The following ATRNL1 variants were observed in gnomAD, a reference collection of about 807,000 sequenced individuals.
ATRNL1 encodes the protein attractin like 1.
A neutral mutation model predicts 182.7 loss-of-function variants in ATRNL1; 95 were observed. That is an observed-to-expected ratio of 0.52 (90% CI 0.44 to 0.62). The LOEUF is 0.62. ATRNL1 is among the 20% of genes least tolerant of loss of function. ATRNL1 has a pLI of 0.00. For missense variants in ATRNL1, 1,471 were observed against 1,679.5 expected (o/e 0.88, Z 2.17); for synonymous variants, 576 against 568.3 (o/e 1.01, Z -0.19).
chr10:115,817,747 A>G (rs1950195998), intron 27 of ATRNL1, among the ~76,000 whole-genome samples: 1 of 149,296 alleles, frequency 6.7e-6, no homozygotes, highest in Non-Finnish European at 1.5e-5. Context: ...TGCCTATGCT[A>G]ACTGGCCCAT....
intron 5 of ATRNL1, among the ~76,000 whole-genome samples, chr10:115,156,282 A>T (rs1427323955): frequency 3.9e-5 from 6 of 152,250 alleles, no homozygotes; most frequent in African/African-American, 1.4e-4. Flanking sequence ...GAAAGAGGCA[A>T]CTTAAGAATG....
chr10:115,864,839 A>C (rs1049540972), intron 28 of ATRNL1, among the ~76,000 whole-genome samples: 1 of 152,048 alleles, frequency 6.6e-6, no homozygotes, highest in Non-Finnish European at 1.5e-5. Flanking sequence ...AAAATTAGCC[A>C]GGCGTGGTGG....
intron 18 of ATRNL1, among the ~76,000 whole-genome samples, chr10:115,316,267 G>A (rs1854296503): frequency 6.6e-6 from 1 of 152,142 alleles, no homozygotes; most frequent in African/African-American, 2.4e-5. Context: ...CTTCATCCAT[G>A]TCCCTGCAAA....
At chr10:115,907,266 A>G (rs1317364563) in intron 28 of ATRNL1, among the ~76,000 whole-genome samples, 1 of 152,248 alleles carries the variant, frequency 6.6e-6, no homozygotes, top group Non-Finnish European at 1.5e-5. Flanking sequence ...TAGCAAGCTG[A>G]TGAGATTGGT....
At chr10:115,495,532 A>G (rs11599485) in intron 24 of ATRNL1, among the ~76,000 whole-genome samples, 99,861 of 151,946 alleles carry the variant, frequency 0.66, 33,669 homozygotes, top group Non-Finnish European at 0.73. Context: ...TGTTCTCATT[A>G]ATTTCAAAGA....
intron 15 of ATRNL1, among the ~76,000 whole-genome samples, chr10:115,290,725 G>A (rs541391065): frequency 6.6e-6 from 1 of 152,202 alleles, no homozygotes; most frequent in African/African-American, 2.4e-5. Flanking sequence ...CTCTCCTGCA[G>A]AGAGAGAGGG....
chr10:115,255,007 G>A (rs1554906398), intron 10 of ATRNL1, among the ~76,000 whole-genome samples: 1 of 152,048 alleles, frequency 6.6e-6, no homozygotes, highest in Non-Finnish European at 1.5e-5. Flanking sequence ...CTCTGTTTTG[G>A]TACCAGTACC....
At chr10:115,669,083 C>T (rs1555040612) in intron 26 of ATRNL1, among the ~76,000 whole-genome samples, 1 of 151,928 alleles carries the variant, frequency 6.6e-6, no homozygotes, top group East Asian at 1.9e-4. Context: ...TATCTGACAC[C>T]ACATTGTTTT....
At chr10:115,624,049 C>G (rs1857938696) in intron 26 of ATRNL1, among the ~76,000 whole-genome samples, 1 of 150,146 alleles carries the variant, frequency 6.7e-6, no homozygotes, top group Non-Finnish European at 1.5e-5. Context: ...GTTTCTATAC[C>G]CACATAGTCA....
chr10:115,220,042 G>A (rs967690391), intron 9 of ATRNL1, among the ~76,000 whole-genome samples: 33 of 152,302 alleles, frequency 2.2e-4, no homozygotes, highest in Admixed American at 3.3e-4. Flanking sequence ...GCTTACCAAG[G>A]TGACTTATTA....
chr10:115,414,527 A>T (rs1316404200), intron 20 of ATRNL1, among the ~76,000 whole-genome samples: 1 of 151,872 alleles, frequency 6.6e-6, no homozygotes, highest in Non-Finnish European at 1.5e-5. Flanking sequence ...TATTAAAATA[A>T]TTAATTAAAT....
At chr10:115,438,930 A>G (rs1554965200) in intron 21 of ATRNL1, among the ~76,000 whole-genome samples, 1 of 151,944 alleles carries the variant, frequency 6.6e-6, no homozygotes, top group Non-Finnish European at 1.5e-5. Flanking sequence ...AAATCTGCGT[A>G]TATCTTTTTA....
intron 25 of ATRNL1, among the ~76,000 whole-genome samples, chr10:115,540,265 A>G (rs1016411478): frequency 5.3e-5 from 8 of 152,038 alleles, no homozygotes; most frequent in Admixed American, 4.6e-4. Context: ...CATAGATAGA[A>G]CTCTGCTTTG....
intron 26 of ATRNL1, among the ~76,000 whole-genome samples, chr10:115,588,778 A>G (rs1232664622): frequency 1.3e-5 from 2 of 152,170 alleles, no homozygotes; most frequent in Non-Finnish European, 2.9e-5. Flanking sequence ...TCCAAGAGGG[A>G]TTGATCAATG....
chr10:115,662,366 C>G (rs1368453288), intron 26 of ATRNL1, among the ~76,000 whole-genome samples: 3 of 152,094 alleles, frequency 2.0e-5, no homozygotes, highest in Admixed American at 1.3e-4. Context: ...GTTGGTGGGA[C>G]TGTAAACTAG....
At chr10:115,418,484 G>T (rs1366093224) in intron 20 of ATRNL1, among the ~76,000 whole-genome samples, 1 of 152,074 alleles carries the variant, frequency 6.6e-6, no homozygotes, top group Non-Finnish European at 1.5e-5. Context: ...ACACATTTGT[G>T]TTATTAGAAT....
At chr10:115,142,019 G>C (rs1592158138) in intron 5 of ATRNL1, among the ~76,000 whole-genome samples, 2 of 152,014 alleles carry the variant, frequency 1.3e-5, no homozygotes, top group Middle Eastern at 6.8e-3. Context: ...GACTGCTCTA[G>C]GTCCTTGGGA....
chr10:115,727,270 A>G lies in ATRNL1; in HGVS notation c.3818A>G (p.Gln1273Arg), dbSNP rs1555060466. ...CAGCAACTGCTTCGAGAACGACAGC[A>G]GATGGCCAGCCGTCCCTTTGCTTCT... ...RREQLLRERQ[Q>R]MASRPFASVD... The change falls in exon 27 of 29, where the codon CAG becomes CGG. Residue 1273 changes from glutamine (Q) to arginine (R), a missense_variant. Around this residue, in one of 3 missense-constraint regions of ATRNL1, gnomAD observed 437 missense variants for 506.0 expected, o/e 0.86. Transcript: ENST00000355044. The G allele has an allele frequency of 2.5e-6, 4 of 1,614,130 alleles. No individual in the cohort carries two copies. The highest frequency in any genetic ancestry group is 8.5e-7 in the Non-Finnish European group (1 of 1,179,960).
At chr10:115,184,936 AAGGTTT>A (rs1554888509) in intron 8 of ATRNL1, among the ~76,000 whole-genome samples, 2 of 152,086 alleles carry the variant, frequency 1.3e-5, no homozygotes, top group African/African-American at 4.8e-5. Flanking sequence ...TTGTTTTTTG[AAGGTTT>A]AGGTGAAGCA....
Sources: allele counts gnomAD v4.1 joint callset (sites outside exome capture counted in the v4.1 genomes callset), GRCh38; gene constraint gnomAD v4.1.1; regional missense constraint gnomAD v4.1.1; transcripts MANE v1.5; gene names NCBI Gene and HGNC (gene_info 2026-07-23, HGNC 2026-07-21).